The following ZNF83 variants were observed in gnomAD, a reference collection of about 807,000 sequenced individuals.
The protein encoded by ZNF83 is zinc finger protein 816B.
For missense variants in ZNF83, 552 were observed against 629.9 expected, an observed-to-expected ratio of 0.88 and a Z score of 1.32; for synonymous variants, 209 against 213.0, an observed-to-expected ratio of 0.98 and a Z score of 0.17.
chr19:52,668,986 A>G (rs937838946), intron 1 of ZNF83, among the ~76,000 whole-genome samples: 2 of 152,200 alleles, frequency 1.3e-5, no homozygotes, highest in African/African-American at 4.8e-5. Context: ...TATGTCCCTC[A>G]TGACAGGGAG....
chr19:52,652,966 T>C, intron 3 of ZNF83: 1 of 1,301,568 alleles, frequency 7.7e-7, no homozygotes, highest in Non-Finnish European at 1.1e-6. Flanking sequence ...CTTGCCACAC[T>C]CATTACACCT....
At chr19:52,670,417 T>C (rs1199135837) in intron 1 of ZNF83, among the ~76,000 whole-genome samples, 2 of 152,188 alleles carry the variant, frequency 1.3e-5, no homozygotes, top group Admixed American at 6.5e-5. Flanking sequence ...CCCTCCCTTG[T>C]TCAGGTACGC....
intron 1 of ZNF83, among the ~76,000 whole-genome samples, chr19:52,678,467 A>G (rs1254201280): frequency 1.3e-5 from 2 of 150,228 alleles, no homozygotes; most frequent in Admixed American, 6.6e-5. Flanking sequence ...AAAAAAAAGA[A>G]AAAAGAAAAA....
upstream of ZNF83, among the ~76,000 whole-genome samples, chr19:52,642,043 T>C (rs1354017501): frequency 3.3e-5 from 5 of 152,120 alleles, no homozygotes; most frequent in African/African-American, 9.7e-5. Context: ...AGAGGAATAG[T>C]CACTTATGCC....
chr19:52,654,114 A>C, intron 3 of ZNF83: 1 of 1,605,360 alleles, frequency 6.2e-7, no homozygotes, highest in East Asian at 2.2e-5. Flanking sequence ...GATGTGAATA[A>C]AAGCTTGATC....
intron 2 of ZNF83, among the ~76,000 whole-genome samples, chr19:52,624,727 A>G (rs11880068): frequency 0.23 from 34,512 of 151,922 alleles, 3,942 homozygotes; most frequent in South Asian, 0.28. Flanking sequence ...TGACCTTCCT[A>G]TTATACGCTG....
At chr19:52,613,790 T>C in exon 3 of ZNF83, 3 of 1,613,784 alleles carry the variant, frequency 1.9e-6, no homozygotes, top group Non-Finnish European at 2.5e-6. Context: ...CTGTAAGGTT[T>C]CTCTCCAGTA....
At chr19:52,680,590 T>C (rs922058641) in intron 1 of ZNF83, among the ~76,000 whole-genome samples, 1 of 151,128 alleles carries the variant, frequency 6.6e-6, no homozygotes, top group Admixed American at 6.6e-5. Context: ...TGTTTTATTG[T>C]ACTTTTCCAC....
intron 1 of ZNF83, among the ~76,000 whole-genome samples, chr19:52,667,523 T>C (rs1186527829): frequency 6.6e-6 from 1 of 152,190 alleles, no homozygotes; most frequent in East Asian, 1.9e-4. Context: ...ATACTTTTGG[T>C]AAAAGGATTA....
intron 2 of ZNF83, among the ~76,000 whole-genome samples, chr19:52,627,726 A>G (rs2060796893): frequency 6.6e-6 from 1 of 152,162 alleles, no homozygotes; most frequent in Non-Finnish European, 1.5e-5. Context: ...ACAAACCCCG[A>G]TGACACGAGT....
chr19:52,665,054 A>G (rs1036898255), intron 1 of ZNF83, among the ~76,000 whole-genome samples: 2 of 152,208 alleles, frequency 1.3e-5, no homozygotes, highest in East Asian at 3.8e-4. Flanking sequence ...TGCGAAATGC[A>G]AAGTCCTGCC....
At chr19:52,668,879 C>A (rs1307748670) in intron 1 of ZNF83, among the ~76,000 whole-genome samples, 1 of 151,954 alleles carries the variant, frequency 6.6e-6, no homozygotes, top group African/African-American at 2.4e-5. Flanking sequence ...ACAAGTTATG[C>A]CAAGCTCTCT....
At chr19:52,684,157 T>C (rs2061974355) in intron 1 of ZNF83, among the ~76,000 whole-genome samples, 1 of 151,956 alleles carries the variant, frequency 6.6e-6, no homozygotes, top group Admixed American at 6.6e-5. Flanking sequence ...TCACTTGAGG[T>C]CAGGAGTTTG....
chr19:52,628,189 A>G (rs532481552), intron 2 of ZNF83, among the ~76,000 whole-genome samples: 41 of 152,266 alleles, frequency 2.7e-4, no homozygotes, highest in African/African-American at 9.4e-4. Context: ...ACGGACACGC[A>G]TGAAATTTGG....
intron 1 of ZNF83, among the ~76,000 whole-genome samples, chr19:52,680,718 T>C (rs1003871723): frequency 4.3e-5 from 6 of 140,058 alleles, no homozygotes; most frequent in South Asian, 2.3e-4. Flanking sequence ...GTTCACGCCA[T>C]TCTCCTGCCT....
Position 52,684,224 on chromosome 19 carries a change from C to A in ZNF83, c.-283+6219G>T, listed in dbSNP as rs558806201. Among the ~76,000 whole-genome samples, 4 of 152,014 alleles carry A rather than the reference C, an allele frequency of 2.6e-5. No homozygotes were observed. The East Asian group carries it at 7.7e-4, about 29-fold the overall frequency. ...TCTCTACTAAAAACATAAAAAGTAG[C>A]CTGGCTTGGTGGGCATCTGTAATCC... is the stretch of plus-strand genomic sequence containing the variant. On this transcript the variant is annotated intron_variant, in intron 1 of 5. Transcript: ENST00000594682.
At chr19:52,645,030 AAG>A (rs1491329835) in intron 3 of ZNF83, among the ~76,000 whole-genome samples, 358 of 151,402 alleles carry the variant, frequency 2.4e-3, no homozygotes, top group Non-Finnish European at 4.0e-3. Context: ...AAAAAAAAAA[AAG>A]GGGGTGCTTT....
At chr19:52,622,173 G>C (rs891809548) in intron 2 of ZNF83, among the ~76,000 whole-genome samples, 1 of 151,902 alleles carries the variant, frequency 6.6e-6, no homozygotes, top group Admixed American at 6.6e-5. Flanking sequence ...ATTTCGTTCT[G>C]CAGCAAATAC....
intron 1 of ZNF83, among the ~76,000 whole-genome samples, chr19:52,685,534 A>T (rs2061999981): frequency 6.6e-6 from 1 of 152,208 alleles, no homozygotes; most frequent in African/African-American, 2.4e-5. Context: ...AACACACAGT[A>T]ATTGACCTTG....
Sources: gnomAD v4.1 joint callset for allele counts (sites outside exome capture counted in the v4.1 genomes callset) on GRCh38, gnomAD v4.1.1 for gene constraint, MANE v1.5 for transcripts, NCBI Gene and HGNC (gene_info 2026-07-23, HGNC 2026-07-21) for gene names.